GIN1: variants seen among roughly 807,000 people sequenced by gnomAD.
The protein encoded by GIN1 is gypsy retrotransposon integrase-like protein 1.
In GIN1, 41 loss-of-function variants were observed where a neutral mutation model predicts 51.4. The observed-to-expected ratio is 0.80, with a 90% CI of 0.62 to 1.04. GIN1 has a LOEUF of 1.04. GIN1 is among the 50% of genes least tolerant of loss of function. The pLI is 0.00. For missense variants in GIN1, 610 were observed against 612.4 expected (o/e 1.00, Z 0.04); for synonymous variants, 222 against 206.5 (o/e 1.07, Z -0.64).
chr5:103,116,337 A>T (rs1554197375), intron 1 of GIN1, among the ~76,000 whole-genome samples: 1 of 152,178 alleles, frequency 6.6e-6, no homozygotes, highest in East Asian at 1.9e-4. Flanking sequence ...CAGTTATAGT[A>T]AACTGATTTT....
chr5:103,113,578 G>A (rs775818144), intron 1 of GIN1, among the ~76,000 whole-genome samples: 6 of 148,820 alleles, frequency 4.0e-5, no homozygotes, highest in African/African-American at 7.4e-5. Flanking sequence ...CTGGAGTGCA[G>A]TGGCATGATC....
At chr5:103,092,552 TC>T (rs1213349876) in intron 7 of GIN1, among the ~76,000 whole-genome samples, 1 of 152,186 alleles carries the variant, frequency 6.6e-6, no homozygotes, top group Non-Finnish European at 1.5e-5. Flanking sequence ...TACTAGTATA[TC>T]CTTTCTCAAG....
intron 4 of GIN1, among the ~76,000 whole-genome samples, chr5:103,099,585 CTTT>C (rs1787510426): frequency 6.6e-6 from 1 of 152,072 alleles, no homozygotes; most frequent in African/African-American, 2.4e-5. Flanking sequence ...GCTTTAACTT[CTTT>C]GTTTCAAAAG....
intron 7 of GIN1, among the ~76,000 whole-genome samples, chr5:103,088,635 A>G (rs1787147286): frequency 6.6e-6 from 1 of 152,174 alleles, no homozygotes. Flanking sequence ...TCTACAAAAA[A>G]TACAAACAAT....
At chr5:103,117,799 A>G (rs1287062735) in intron 1 of GIN1, among the ~76,000 whole-genome samples, 2 of 152,088 alleles carry the variant, frequency 1.3e-5, no homozygotes, top group African/African-American at 4.8e-5. Flanking sequence ...CAGGTAGGAA[A>G]ATGGAGGTTC....
intron 2 of GIN1, among the ~76,000 whole-genome samples, chr5:103,108,157 A>C (rs61671951): frequency 0.032 from 4,796 of 152,060 alleles, 258 homozygotes; most frequent in African/African-American, 0.11. Flanking sequence ...TGATCACAGA[A>C]ATATAGTTAA....
chr5:103,111,508 A>C (rs568258715), intron 1 of GIN1, among the ~76,000 whole-genome samples: 38 of 152,252 alleles, frequency 2.5e-4, no homozygotes, highest in African/African-American at 7.9e-4. Flanking sequence ...GGAAGATAAA[A>C]ATTGTGTATT....
chr5:103,104,872 A>G (rs1197068591), intron 3 of GIN1, 26 bp from the exon 4 acceptor site: 22 of 1,405,546 alleles, frequency 1.6e-5, no homozygotes, highest in Non-Finnish European at 2.1e-5. Flanking sequence ...AATAAAGAAA[A>G]CACATACAAA....
chr5:103,119,218 C>T (rs1380581159), intron 1 of GIN1, among the ~76,000 whole-genome samples: 3 of 152,154 alleles, frequency 2.0e-5, no homozygotes, highest in African/African-American at 7.2e-5. Context: ...AATTTAAGCC[C>T]CTAAAAGGTT....
chr5:103,098,368 AAAGGT>A (rs1381289704), intron 4 of GIN1, among the ~76,000 whole-genome samples: 1 of 152,190 alleles, frequency 6.6e-6, no homozygotes, highest in Non-Finnish European at 1.5e-5. Flanking sequence ...ATTTCATTTT[AAAGGT>A]AAGATACTGA....
At position 103,097,367 on chromosome 5, in the gene GIN1, C is replaced by A; in HGVS notation, c.955G>T (p.Ala319Ser). 6.3e-7 allele frequency: 1 copy of A among 1,599,734 alleles called. No individual in the cohort carries two copies. Among genetic ancestry groups the A allele is most frequent in the Non-Finnish European group, 8.6e-7 (1 of 1,167,338 alleles). Residue 319 changes from alanine to serine, a missense_variant, in exon 6 of 8, where the codon GCA becomes TCA. Physicochemically the swap from Ala to Ser is moderately conservative, Grantham distance 99. Transcript: ENST00000399004. ...ATTATTTTATCAGCTTCTTTAATTG[C>A]ATCTAGAATTTTGGCAAACATACTT... ...NTSMFAKILD[A>S]IKEADKIMEN...
At position 103,088,122 on chromosome 5, in the gene GIN1, C is replaced by T; in HGVS notation, c.1345G>A (p.Gly449Arg). Residue 449 changes from glycine (G) to arginine (R), a missense_variant, in exon 8 of 8, where the codon GGA (glycine) becomes AGA (arginine). Physicochemically the swap from Gly to Arg is moderately radical, Grantham distance 125. Transcript: ENST00000399004. ...GSVVADHDYI[G>R]LPEIPIGAYQ... Reference sequence around the variant, plus strand: ...GCTCCAATCGGAATTTCAGGCAATCCAATGTAGTCATGATCTGCCACTACT... The same window carrying T: ...GCTCCAATCGGAATTTCAGGCAATCTAATGTAGTCATGATCTGCCACTACT... The T allele has an allele frequency of 1.2e-6, 2 of 1,608,174 alleles. No individual in the cohort carries two copies. Among genetic ancestry groups the T allele is most frequent in the Non-Finnish European group, 1.7e-6 (2 of 1,175,664 alleles).
At chr5:103,097,514 A>C (rs782111359) in intron 5 of GIN1, 24 bp from the exon 6 acceptor site, 5 of 1,493,418 alleles carry the variant, frequency 3.3e-6, no homozygotes, top group Non-Finnish European at 4.6e-6. Context: ...AATAAACGTC[A>C]ATTTTGTAAT....
intron 7 of GIN1, among the ~76,000 whole-genome samples, chr5:103,089,119 T>A (rs557867331): frequency 8.9e-4 from 135 of 152,324 alleles, no homozygotes; most frequent in African/African-American, 3.1e-3. Flanking sequence ...TAGGAACTTT[T>A]AAGGTCTACC....
intron 4 of GIN1, among the ~76,000 whole-genome samples, chr5:103,100,111 T>TA (rs1787527090): frequency 6.7e-6 from 1 of 150,214 alleles, no homozygotes; most frequent in African/African-American, 2.5e-5. Context: ...CTTTATTTTT[T>TA]ATTTTTTTTT....
At position 103,089,628 on chromosome 5, in the gene GIN1, G is replaced by T. The variant is rs919568967; in HGVS notation, c.1295-1456C>A. On this transcript the variant is annotated intron_variant, in intron 7 of 7. Coordinates refer to ENST00000399004, the MANE Select transcript of GIN1 (RefSeq NM_017676.2). ...CATGTCACTATGCCTGGCTAATTGTGTTGCCTAGGTTGGTCTCCTGAAGAT... is the reference window on the plus strand; with the variant it reads ...CATGTCACTATGCCTGGCTAATTGTTTTGCCTAGGTTGGTCTCCTGAAGAT... 3.3e-5 allele frequency among the ~76,000 whole-genome samples: 5 copies of T among 152,012 alleles called. No homozygotes were observed. The East Asian group carries it at 9.6e-4, about 29-fold the overall frequency.
intron 7 of GIN1, among the ~76,000 whole-genome samples, chr5:103,090,032 T>C (rs1787193372): frequency 6.6e-6 from 1 of 152,180 alleles, no homozygotes; most frequent in African/African-American, 2.4e-5. Context: ...CTCATGCCTG[T>C]AATGCCAGCA....
chr5:103,103,914 C>T (rs946237798), intron 4 of GIN1, among the ~76,000 whole-genome samples: 27 of 151,910 alleles, frequency 1.8e-4, no homozygotes, highest in African/African-American at 7.3e-5. Context: ...CTCAACCTCC[C>T]GAGTAGCTGG....
chr5:103,106,646 GA>G, intron 3 of GIN1, 69 bp downstream of exon 3: 1 of 924,702 alleles, frequency 1.1e-6, no homozygotes, highest in Non-Finnish European at 1.6e-6. Flanking sequence ...AATAAATCTG[GA>G]GAAATAATAA....
Sources: gnomAD v4.1 joint callset for allele counts (sites outside exome capture counted in the v4.1 genomes callset) on GRCh38, gnomAD v4.1.1 for gene constraint, MANE v1.5 for transcripts, NCBI Gene and HGNC (gene_info 2026-07-23, HGNC 2026-07-21) for gene names.